NFIB: variants seen among roughly 807,000 people sequenced by gnomAD.
The protein encoded by NFIB is nuclear factor I B.
Under a neutral mutation model 61.5 loss-of-function variants are expected in NFIB, and 11 were observed. That is an observed-to-expected ratio of 0.18 (90% CI 0.11 to 0.30). The LOEUF (loss-of-function observed/expected upper bound fraction) is 0.30, where lower values mean the gene tolerates loss of function less well. NFIB is among the 10% of genes least tolerant of loss of function. NFIB has a pLI of 1.00. For synonymous variants in NFIB, 260 were observed against 216.5 expected (o/e 1.20, Z -1.76); for missense variants, 471 against 608.9 (o/e 0.77, Z 2.38).
At chr9:14,181,615 A>G (rs1438348626) in intron 2 of NFIB, among the ~76,000 whole-genome samples, 1 of 152,230 alleles carries the variant, frequency 6.6e-6, no homozygotes, top group African/African-American at 2.4e-5. Flanking sequence ...ACTTTTTGCT[A>G]TAGCATCAGC....
chr9:14,295,499 A>T (rs558020102), intron 2 of NFIB, among the ~76,000 whole-genome samples: 27 of 151,732 alleles, frequency 1.8e-4, no homozygotes, highest in East Asian at 1.4e-3. Flanking sequence ...GGCGTGGGGA[A>T]GGGCGCCTGT....
intron 1 of NFIB, among the ~76,000 whole-genome samples, chr9:14,312,644 T>G (rs1451034902): frequency 6.6e-6 from 1 of 152,212 alleles, no homozygotes; most frequent in African/African-American, 2.4e-5. Context: ...TTCTAAAAAG[T>G]ATAAAACCAG....
chr9:14,098,547 G>A (rs2118763097), intron 10 of NFIB, among the ~76,000 whole-genome samples: 1 of 152,312 alleles, frequency 6.6e-6, no homozygotes, highest in East Asian at 1.9e-4. Flanking sequence ...AGTAACTGCT[G>A]TATATGTTTA....
chr9:14,113,828 T>TA (rs1004238643), intron 9 of NFIB, among the ~76,000 whole-genome samples: 2 of 152,170 alleles, frequency 1.3e-5, no homozygotes, highest in Non-Finnish European at 2.9e-5. Flanking sequence ...CTTACATTGT[T>TA]ATAGTCTCAT....
chr9:14,224,939 G>A (rs1028904081), intron 2 of NFIB, among the ~76,000 whole-genome samples: 2 of 152,130 alleles, frequency 1.3e-5, no homozygotes. Flanking sequence ...GAGAGCACAT[G>A]ACATTTACTT....
intron 2 of NFIB, among the ~76,000 whole-genome samples, chr9:14,214,737 T>A (rs2050670281): frequency 6.6e-6 from 1 of 152,240 alleles, no homozygotes; most frequent in Admixed American, 6.5e-5. Context: ...CTGTTTCTAT[T>A]TTCTTGGTCC....
the NFIB span, among the ~76,000 whole-genome samples, chr9:14,505,015 G>A: frequency 5.3e-5 from 8 of 152,228 alleles, no homozygotes; most frequent in East Asian, 1.2e-3. Flanking sequence ...CTTCTATGCC[G>A]ATTTTTCGAG....
chr9:14,139,825 G>A (rs748637006), intron 6 of NFIB, among the ~76,000 whole-genome samples: 7 of 152,248 alleles, frequency 4.6e-5, no homozygotes, highest in East Asian at 1.9e-4. Flanking sequence ...GAAGAAGATC[G>A]TGTTGTGATT....
intron 2 of NFIB, among the ~76,000 whole-genome samples, chr9:14,252,843 T>C (rs1422977037): frequency 6.6e-6 from 1 of 151,976 alleles, no homozygotes; most frequent in African/African-American, 2.4e-5. Flanking sequence ...ATTGCACCCA[T>C]GACGGTCACC....
At chr9:14,342,210 T>C (rs1184033489) in intron 1 of NFIB, among the ~76,000 whole-genome samples, 1 of 151,774 alleles carries the variant, frequency 6.6e-6, no homozygotes, top group African/African-American at 2.4e-5. Context: ...GATAAGGGGG[T>C]AGAATAATGG....
At chr9:14,422,133 C>A in the NFIB span, among the ~76,000 whole-genome samples, 1 of 152,260 alleles carries the variant, frequency 6.6e-6, no homozygotes, top group East Asian at 1.9e-4. Flanking sequence ...GAAGCAGCCA[C>A]CATGCTATGT....
At chr9:14,528,913 A>C in the NFIB span, among the ~76,000 whole-genome samples, 2 of 152,168 alleles carry the variant, frequency 1.3e-5, no homozygotes, top group African/African-American at 4.8e-5. Flanking sequence ...TGGTATTTTT[A>C]AATAATGTGA....
chr9:14,091,222 A>T lies in NFIB; in HGVS notation c.1468-2896T>A, dbSNP rs191095408. ...TTAAGTTCAGAACTATAAGGCACAG[A>T]CATTTTTTAGAGCTATTTTTGGTAG... On this transcript the variant is annotated intron_variant, in intron 10 of 10. Transcript: ENST00000380953. 4.6e-5 allele frequency among the ~76,000 whole-genome samples: 7 copies of T among 152,092 alleles called. No individual in the cohort carries two copies. In the East Asian group the frequency reaches 1.4e-3, roughly 29 times the overall value.
the NFIB span, among the ~76,000 whole-genome samples, chr9:14,452,317 A>G: frequency 2.6e-5 from 4 of 151,990 alleles, no homozygotes; most frequent in Non-Finnish European, 5.9e-5. Flanking sequence ...TTTTACATTA[A>G]AAAATAAAAG....
At chr9:14,308,595 T>C (rs79865960) in intron 1 of NFIB, among the ~76,000 whole-genome samples, 2,716 of 152,338 alleles carry the variant, frequency 0.018, 32 homozygotes, top group Non-Finnish European at 0.027. Context: ...CTCTGCATGC[T>C]GTGGTGGGGT....
chr9:14,096,746 A>G (rs1031903575), intron 10 of NFIB: 1 of 152,146 alleles, frequency 6.6e-6, no homozygotes, highest in Non-Finnish European at 1.5e-5. Flanking sequence ...CGGCTCCCCT[A>G]TCGATTCAAA....
chr9:14,254,648 CTATAAT>C (rs1008965490), intron 2 of NFIB, among the ~76,000 whole-genome samples: 4 of 152,144 alleles, frequency 2.6e-5, no homozygotes, highest in African/African-American at 9.7e-5. Flanking sequence ...AGCCCATCTG[CTATAAT>C]ATTAGTGTTA....
At chr9:14,366,326 T>C (rs2061299724) in intron 1 of NFIB, among the ~76,000 whole-genome samples, 1 of 152,150 alleles carries the variant, frequency 6.6e-6, no homozygotes, top group Non-Finnish European at 1.5e-5. Flanking sequence ...TGAAACCCGA[T>C]GTCTTCTCCG....
At chr9:14,140,890 G>A (rs1293754873) in intron 6 of NFIB, among the ~76,000 whole-genome samples, 7 of 152,116 alleles carry the variant, frequency 4.6e-5, no homozygotes, top group South Asian at 2.1e-4. Context: ...AGCCATGATC[G>A]TGCCGCTGCA....
Sources: allele counts gnomAD v4.1 joint callset (sites outside exome capture counted in the v4.1 genomes callset), GRCh38; gene constraint gnomAD v4.1.1; transcripts MANE v1.5; gene names NCBI Gene and HGNC (gene_info 2026-07-23, HGNC 2026-07-21).